The following SLC35F4 variants were observed in gnomAD, a reference collection of about 807,000 sequenced individuals.
SLC35F4 encodes the protein solute carrier family 35 member F4, also known as chromosome 14 open reading frame 36.
SLC35F4 carries 24 observed loss-of-function variants against 44.2 expected under a neutral mutation model. The observed-to-expected ratio is 0.54, with a 90% CI of 0.39 to 0.76. SLC35F4 has a LOEUF of 0.76. SLC35F4 is among the 30% of genes least tolerant of loss of function. The probability of loss-of-function intolerance (pLI) is 0.00; values close to 1 mark genes in which losing one functional copy is unlikely to be tolerated. For missense variants in SLC35F4, 562 were observed against 586.1 expected, an observed-to-expected ratio of 0.96 and a Z score of 0.42; for synonymous variants, 238 against 223.6, an observed-to-expected ratio of 1.06 and a Z score of -0.57.
intron 1 of SLC35F4, among the ~76,000 whole-genome samples, chr14:57,863,353 C>A (rs1185343619): frequency 6.6e-6 from 1 of 152,174 alleles, no homozygotes; most frequent in African/African-American, 2.4e-5. Context: ...TACAAGCAAA[C>A]AGCAGGATGC....
intron 1 of SLC35F4, among the ~76,000 whole-genome samples, chr14:57,876,654 T>C (rs1254106135): frequency 1.3e-5 from 2 of 152,182 alleles, no homozygotes; most frequent in South Asian, 2.1e-4. Flanking sequence ...AGTTATAATC[T>C]TGAGAATGGA....
At chr14:57,591,289 A>C (rs1371724808) in intron 2 of SLC35F4, among the ~76,000 whole-genome samples, 1 of 131,224 alleles carries the variant, frequency 7.6e-6, no homozygotes, top group Non-Finnish European at 1.8e-5. Context: ...GTACTTGTTG[A>C]GGAGCTGGGG....
At chr14:57,646,644 T>G (rs1469753053) in intron 1 of SLC35F4, among the ~76,000 whole-genome samples, 1 of 152,214 alleles carries the variant, frequency 6.6e-6, no homozygotes, top group Non-Finnish European at 1.5e-5. Context: ...TGATCTTAGT[T>G]ATTTCTCACC....
At chr14:57,817,353 G>A (rs1882714363) in intron 1 of SLC35F4, among the ~76,000 whole-genome samples, 1 of 152,052 alleles carries the variant, frequency 6.6e-6, no homozygotes, top group Admixed American at 6.6e-5. Flanking sequence ...TCTCCAGCCT[G>A]GAAGAAGCAG....
At chr14:57,661,686 C>T (rs2074142048) in intron 1 of SLC35F4, among the ~76,000 whole-genome samples, 1 of 152,184 alleles carries the variant, frequency 6.6e-6, no homozygotes, top group Non-Finnish European at 1.5e-5. Flanking sequence ...ATGTGCTCTT[C>T]ATGATGGGGT....
At chr14:57,813,132 A>T (rs1396962224) in intron 1 of SLC35F4, among the ~76,000 whole-genome samples, 1 of 152,178 alleles carries the variant, frequency 6.6e-6, no homozygotes, top group Non-Finnish European at 1.5e-5. Flanking sequence ...GTCAGGTCCA[A>T]CCCAGCAGTT....
chr14:57,671,316 C>G (rs2074515424), intron 1 of SLC35F4, among the ~76,000 whole-genome samples: 1 of 151,910 alleles, frequency 6.6e-6, no homozygotes. Flanking sequence ...GTGCACAGGT[C>G]TCAGGTCCAA....
intron 1 of SLC35F4, among the ~76,000 whole-genome samples, chr14:57,826,384 A>T (rs568807594): frequency 6.6e-6 from 1 of 152,222 alleles, no homozygotes; most frequent in Non-Finnish European, 1.5e-5. Context: ...AAAGACTTAA[A>T]TGTAAAATCT....
chr14:57,810,660 C>CTTTGA (rs1566873510), intron 1 of SLC35F4, among the ~76,000 whole-genome samples: 1 of 152,178 alleles, frequency 6.6e-6, no homozygotes. Context: ...GCTGTATAGC[C>CTTTGA]CCTTCTTTGA....
chr14:57,881,257 T>A (rs543613473), intron 1 of SLC35F4, among the ~76,000 whole-genome samples: 9 of 152,316 alleles, frequency 5.9e-5, no homozygotes, highest in African/African-American at 2.2e-4. Context: ...TTTGCACACC[T>A]CTGAACTTAT....
At position 57,865,808 on chromosome 14, in the gene SLC35F4, G is replaced by A; in HGVS notation, c.18C>T (p.Ala6=). Residue 6 remains alanine, a synonymous_variant, in exon 1 of 8, where the codon GCC becomes GCT. Transcript: ENST00000556826. MDVKA[A]PNGVATIEDR... ...CCTCGATAGTGGCCACCCCGTTGGG[G>A]GCCGCCTTGACATCCATAGAGAGCG... 6.6e-7 allele frequency: 1 copy of A among 1,519,540 alleles called. No homozygotes were observed. The allele number at this position is 1,519,540 out of a possible 1,614,324, so 94.1% of individuals were successfully genotyped here.
At chr14:57,970,379 A>T (rs1881017264) in intron 1 of SLC35F4, among the ~76,000 whole-genome samples, 2 of 152,162 alleles carry the variant, frequency 1.3e-5, no homozygotes, top group South Asian at 4.1e-4. Context: ...AAAGCCATGG[A>T]GTTGCCGTCA....
chr14:57,680,519 A>G (rs1473905799), intron 1 of SLC35F4, among the ~76,000 whole-genome samples: 2 of 152,128 alleles, frequency 1.3e-5, no homozygotes, highest in Non-Finnish European at 2.9e-5. Flanking sequence ...AGTTCTGGCC[A>G]CAGCAATTAG....
chr14:57,779,890 G>A lies in SLC35F4; in HGVS notation c.103+85833C>T, dbSNP rs56802289. ...TTTCAATAAAACTCAACACCCCTTC[G>A]TATTAAAAACTCTCGACAAACTAGG... On this transcript the variant is annotated intron_variant, in intron 1 of 7. Transcript: ENST00000556826. 0.014 allele frequency among the ~76,000 whole-genome samples: 2,080 copies of A among 151,942 alleles called. 253 individuals are homozygous for A. In the East Asian group the frequency reaches 0.31, roughly 23 times the overall value.
chr14:57,707,324 C>T (rs1446588321), intron 1 of SLC35F4, among the ~76,000 whole-genome samples: 1 of 152,072 alleles, frequency 6.6e-6, no homozygotes, highest in Admixed American at 6.6e-5. Flanking sequence ...ATGGGAGGGA[C>T]TTGGTGGGAA....
intron 4 of SLC35F4, among the ~76,000 whole-genome samples, chr14:57,574,552 G>C (rs1362550300): frequency 6.6e-6 from 1 of 152,130 alleles, no homozygotes; most frequent in Non-Finnish European, 1.5e-5. Flanking sequence ...GCAGGGTGCG[G>C]GTGGAGGGTA....
intron 1 of SLC35F4, among the ~76,000 whole-genome samples, chr14:57,774,710 G>T (rs537602066): frequency 3.9e-5 from 6 of 152,140 alleles, no homozygotes; most frequent in Admixed American, 2.0e-4. Context: ...GCACCTGACC[G>T]GAGCTCCAGC....
rs575305567 is a variant in SLC35F4, at chr14:57,656,203, G to A, written c.104-62079C>T. 3.5e-4 allele frequency among the ~76,000 whole-genome samples: 53 copies of A among 151,496 alleles called. 1 individual carries two copies. The highest frequency in any genetic ancestry group is 1.7e-3 in the South Asian group (8 of 4,790). On this transcript the variant is annotated intron_variant, in intron 1 of 7. Coordinates refer to ENST00000556826, the MANE Select transcript of SLC35F4 (RefSeq NM_001306087.2). ...TTAACCACATGAGGCTACTGGTTTC[G>A]TGTGTGTGTGTACATATCTACCAAA...
chr14:57,881,333 T>C (rs1888530218), intron 1 of SLC35F4, among the ~76,000 whole-genome samples: 1 of 152,180 alleles, frequency 6.6e-6, no homozygotes, highest in Non-Finnish European at 1.5e-5. Flanking sequence ...CTTCTATAGA[T>C]GCCTCCTTCC....
Sources: allele counts gnomAD v4.1 joint callset (sites outside exome capture counted in the v4.1 genomes callset), GRCh38; gene constraint gnomAD v4.1.1; transcripts MANE v1.5; gene names NCBI Gene and HGNC (gene_info 2026-07-23, HGNC 2026-07-21).